Variants in HSDL2 observed in about 807,000 individuals in gnomAD.
HSDL2 encodes hydroxysteroid dehydrogenase like 2, also known as hydroxysteroid dehydrogenase-like protein 2.
Under a neutral mutation model 46.3 loss-of-function variants are expected in HSDL2, and 27 were observed. The observed-to-expected ratio is 0.58, with a 90% CI of 0.43 to 0.80. The LOEUF (loss-of-function observed/expected upper bound fraction) is 0.80. Among genes scored for constraint, HSDL2 ranks in the 30% least tolerant of loss-of-function variants. The probability of loss-of-function intolerance (pLI) is 0.00; values close to 1 mark genes in which losing one functional copy is unlikely to be tolerated. For missense variants in HSDL2, 451 were observed against 502.7 expected (o/e 0.90, Z 0.98); for synonymous variants, 153 against 163.6 (o/e 0.94, Z 0.50).
At chr9:112,437,932 C>T (rs1385353843) in intron 6 of HSDL2, among the ~76,000 whole-genome samples, 1 of 152,198 alleles carries the variant, frequency 6.6e-6, no homozygotes, top group Non-Finnish European at 1.5e-5. Context: ...GTTTTCCACC[C>T]AGTTCTCTCC....
rs771215931 is a variant in HSDL2, at chr9:112,470,174, TC to T, written c.1145-257del. Among the ~76,000 whole-genome samples the T allele has an allele frequency of 3.0e-4, 46 of 152,204 alleles. 1 individual carries two copies. Among genetic ancestry groups the T allele is most frequent in the Non-Finnish European group, 1.3e-4 (9 of 68,030 alleles). Reference sequence around the variant, plus strand: ...CCGTGTATCCTTTAGTGTATAAAAATCTTTTTGGTGTAAAAACATTTGCTAT... The same window carrying T: ...CCGTGTATCCTTTAGTGTATAAAAATTTTTTGGTGTAAAAACATTTGCTAT... On this transcript the variant is annotated intron_variant, in intron 10 of 10. Transcript: ENST00000398805.
At chr9:112,393,041 G>A (rs6477927) in intron 1 of HSDL2, among the ~76,000 whole-genome samples, 44,653 of 151,946 alleles carry the variant, frequency 0.29, 6,860 homozygotes, top group Admixed American at 0.38. Flanking sequence ...AGGCTTGTTC[G>A]TTCTCTTGGT....
At chr9:112,399,267 T>G (rs534571414) in intron 1 of HSDL2, among the ~76,000 whole-genome samples, 9 of 152,202 alleles carry the variant, frequency 5.9e-5, no homozygotes, top group African/African-American at 1.7e-4. Flanking sequence ...CAGCAAGGTT[T>G]TATTAAAGGT....
At chr9:112,457,993 A>G (rs993301844) in intron 9 of HSDL2, among the ~76,000 whole-genome samples, 2 of 152,112 alleles carry the variant, frequency 1.3e-5, no homozygotes, top group African/African-American at 4.8e-5. Flanking sequence ...TCTTCCTTCC[A>G]TGACACATCC....
chr9:112,462,497 C>G (rs1451357324), intron 10 of HSDL2, among the ~76,000 whole-genome samples: 1 of 150,858 alleles, frequency 6.6e-6, no homozygotes. Flanking sequence ...TAGTAACCAA[C>G]TAATCAGAAT....
intron 6 of HSDL2, among the ~76,000 whole-genome samples, chr9:112,431,094 T>G (rs1832382323): frequency 6.6e-6 from 1 of 151,202 alleles, no homozygotes; most frequent in Non-Finnish European, 1.5e-5. Flanking sequence ...TAAAGATTTC[T>G]GGCTTGAGTT....
chr9:112,419,051 C>T, intron 6 of HSDL2, 93 bp downstream of exon 6: 1 of 637,208 alleles, frequency 1.6e-6, no homozygotes, highest in South Asian at 1.6e-5. Flanking sequence ...TCTTGTCATC[C>T]AGGCTGGAGT....
At chr9:112,430,036 A>G (rs1832350313) in intron 6 of HSDL2, among the ~76,000 whole-genome samples, 1 of 151,896 alleles carries the variant, frequency 6.6e-6, no homozygotes, top group Non-Finnish European at 1.5e-5. Flanking sequence ...GTGAGCCGTG[A>G]TCATACCACT....
At chr9:112,393,084 G>A (rs139112745) in intron 1 of HSDL2, among the ~76,000 whole-genome samples, 2 of 152,240 alleles carry the variant, frequency 1.3e-5, no homozygotes, top group East Asian at 1.9e-4. Flanking sequence ...GGTCTGGCAC[G>A]CTAAAAAGTC....
intron 8 of HSDL2, among the ~76,000 whole-genome samples, chr9:112,447,191 T>C (rs773402838): frequency 6.6e-6 from 1 of 152,216 alleles, no homozygotes; most frequent in Non-Finnish European, 1.5e-5. Flanking sequence ...ATATGTCATC[T>C]TCTTTTGTGT....
Position 112,470,987 on chromosome 9 carries a change from GA to G in HSDL2, c.*447del, listed in dbSNP as rs1464246629. The G allele has an allele frequency of 6.6e-6, 1 of 152,202 alleles. No individual in the cohort carries two copies. The highest frequency in any genetic ancestry group is 1.5e-5 in the Non-Finnish European group (1 of 68,130). 9.4% of individuals were successfully genotyped at this position (152,202 alleles called of 1,614,324 possible). ...TTGATTTTTATATACTTATTTTAAA[GA>G]AAATCTTATATAGTACATTTTACAA... On this transcript the variant is annotated 3_prime_UTR_variant, in exon 11 of 11. Transcript: ENST00000398805.
chr9:112,380,230 C>T (rs1250930670), intron 1 of HSDL2, 50 bp downstream of exon 1: 2 of 1,516,624 alleles, frequency 1.3e-6, no homozygotes, highest in Admixed American at 4.5e-5. Context: ...GCGAAGGGCG[C>T]GTCTCGGTGG....
chr9:112,413,307 C>T (rs1024474776), intron 4 of HSDL2, among the ~76,000 whole-genome samples: 2 of 151,678 alleles, frequency 1.3e-5, no homozygotes, highest in Admixed American at 6.6e-5. Flanking sequence ...GGAGAAACCC[C>T]GTCTCTACTA....
At chr9:112,389,457 AAT>A (rs1831290825) in intron 1 of HSDL2, among the ~76,000 whole-genome samples, 1 of 151,200 alleles carries the variant, frequency 6.6e-6, no homozygotes. Context: ...AGGATATGTG[AAT>A]ATTTTTTTTG....
At chr9:112,456,315 C>G (rs1051139507) in intron 9 of HSDL2, among the ~76,000 whole-genome samples, 1 of 152,206 alleles carries the variant, frequency 6.6e-6, no homozygotes, top group Non-Finnish European at 1.5e-5. Flanking sequence ...CCATTTGTTT[C>G]CATTTCACAT....
At chr9:112,459,252 T>C (rs1833130735) in intron 9 of HSDL2, among the ~76,000 whole-genome samples, 197 bp from the exon 10 acceptor site, 1 of 152,216 alleles carries the variant, frequency 6.6e-6, no homozygotes, top group Admixed American at 6.5e-5. Context: ...ATGGTTTTCT[T>C]TTTATTGAAG....
intron 8 of HSDL2, among the ~76,000 whole-genome samples, chr9:112,453,272 A>T (rs1289686956): frequency 6.6e-6 from 1 of 152,174 alleles, no homozygotes; most frequent in African/African-American, 2.4e-5. Context: ...TGATATTTTG[A>T]TTTCCATCTT....
chr9:112,410,789 T>C (rs1238075602), intron 4 of HSDL2, among the ~76,000 whole-genome samples: 1 of 152,082 alleles, frequency 6.6e-6, no homozygotes, highest in Non-Finnish European at 1.5e-5. Flanking sequence ...TAGCTGGGGA[T>C]GGTGGCACAC....
At chr9:112,468,600 C>T (rs1833465552) in intron 10 of HSDL2, among the ~76,000 whole-genome samples, 1 of 151,858 alleles carries the variant, frequency 6.6e-6, no homozygotes, top group Non-Finnish European at 1.5e-5. Context: ...TCTCCCTCTC[C>T]TTCATCCCCT....
Sources: allele counts gnomAD v4.1 joint callset (sites outside exome capture counted in the v4.1 genomes callset), GRCh38; gene constraint gnomAD v4.1.1; transcripts MANE v1.5; gene names NCBI Gene and HGNC (gene_info 2026-07-23, HGNC 2026-07-21).